The following GCLC variants were observed in gnomAD, a reference collection of about 807,000 sequenced individuals.
GCLC encodes glutamate--cysteine ligase catalytic subunit.
GCLC carries 30 observed loss-of-function variants against 81.5 expected under a neutral mutation model. That is an observed-to-expected ratio of 0.37 (90% CI 0.28 to 0.50). The LOEUF is 0.50. Ranked by LOEUF, GCLC falls within the 20% of genes least tolerant of loss-of-function variation. The pLI, the probability that GCLC is intolerant of heterozygous loss-of-function variation, is 0.96. For synonymous variants in GCLC, 262 were observed against 273.3 expected, an observed-to-expected ratio of 0.96 and a Z score of 0.41; for missense variants, 556 against 777.4, an observed-to-expected ratio of 0.72 and a Z score of 3.39.
chr6:53,540,740 A>G (rs1334560086), intron 1 of GCLC, among the ~76,000 whole-genome samples: 1 of 151,832 alleles, frequency 6.6e-6, no homozygotes, highest in Non-Finnish European at 1.5e-5. Flanking sequence ...ATGTATGTCA[A>G]CCCACTACTG....
chr6:53,524,030 T>C (rs541063485), intron 1 of GCLC: 1 of 152,334 alleles, frequency 6.6e-6, no homozygotes, highest in Admixed American at 6.5e-5. Flanking sequence ...ATACCATCTA[T>C]AGATCTGTGA....
chr6:53,532,001 TCAAA>T (rs1763179274), intron 1 of GCLC, among the ~76,000 whole-genome samples: 1 of 152,216 alleles, frequency 6.6e-6, no homozygotes, highest in Non-Finnish European at 1.5e-5. Flanking sequence ...CTTTCACTCA[TCAAA>T]CACAGAACAT....
In GCLC at chr6:53,517,249, GTTTTTTTT is replaced by G. The variant is rs201960255; in HGVS notation, c.447-1035_447-1028del. ...TTACAGGCATGAGTCACTGTACCAA[GTTTTTTTT>G]TTTTTTTTTTTTTTTTTTTTCCAGG... On this transcript the variant is annotated intron_variant, in intron 3 of 15. Coordinates refer to ENST00000650454, the MANE Select transcript of GCLC (RefSeq NM_001498.4). Among the ~76,000 whole-genome samples, 13 of 73,104 alleles carry G rather than the reference GTTTTTTTT, an allele frequency of 1.8e-4. No individual in the cohort carries two copies. The South Asian group carries it at 7.2e-3, about 41-fold the overall frequency. 48.0% of individuals were successfully genotyped at this position (73,104 alleles called of 152,430 possible).
chr6:53,511,382 T>C (rs1309893069), intron 6 of GCLC, among the ~76,000 whole-genome samples: 1 of 152,144 alleles, frequency 6.6e-6, no homozygotes, highest in Non-Finnish European at 1.5e-5. Flanking sequence ...ATCTCTTAGA[T>C]TTTTTAGGTC....
In GCLC at chr6:53,505,309, T is replaced by C. The variant is rs661603; in HGVS notation, c.1395+83A>G. 0.49 allele frequency: 355,122 copies of C among 727,974 alleles called. 90,284 individuals are homozygous for C. The highest frequency in any genetic ancestry group is 0.68 in the African/African-American group (39,108 of 57,096). The allele number at this position is 727,974 out of a possible 1,614,324, so 45.1% of individuals were successfully genotyped here. A position where few individuals can be genotyped will look rare whatever the true frequency, so the allele number is the denominator to read the frequency against. On this transcript the variant is annotated intron_variant, in intron 12 of 15. Transcript: ENST00000650454. ...AAGGGTAAACAATTTCAAATGAAAT[T>C]AGGTGGGAAATAAATAGCATATATA... is the stretch of plus-strand genomic sequence containing the variant.
Position 53,522,522 on chromosome 6 carries a change from T to C in GCLC, c.156A>G (p.Glu52=). 6.3e-7 allele frequency: 1 copy of C among 1,579,066 alleles called. No homozygotes were observed. Among genetic ancestry groups the C allele is most frequent in the African/African-American group, 1.3e-5 (1 of 74,402 alleles). The change falls in exon 2 of 16, where the codon GAA becomes GAG. Residue 52 remains glutamate (E), a synonymous_variant. Coordinates refer to ENST00000650454, the MANE Select transcript of GCLC (RefSeq NM_001498.4). ...CATGATCAAAAGATACCAACATGTA[T>C]TCCACCTATTGAAAATAAAGGTGAG... is the stretch of plus-strand genomic sequence containing the variant. ...KDVLKWGDEV[E]YMLVSFDHEN... is the part of the protein sequence containing the mutation.
intron 6 of GCLC, among the ~76,000 whole-genome samples, chr6:53,512,324 C>T (rs546726): frequency 0.53 from 80,280 of 151,792 alleles, 21,649 homozygotes; most frequent in Admixed American, 0.61. Context: ...ATCCTTTTTG[C>T]TTTATACAGT....
intron 11 of GCLC, 150 bp from the exon 12 acceptor site, chr6:53,505,646 G>A (rs1764599941): frequency 1.3e-6 from 1 of 744,078 alleles, no homozygotes; most frequent in Admixed American, 2.0e-5. Context: ...TCTATTCTCA[G>A]AAATCAACCC....
intron 6 of GCLC, 175 bp downstream of exon 6, chr6:53,514,029 A>C: frequency 1.5e-6 from 1 of 646,332 alleles, no homozygotes; most frequent in South Asian, 1.9e-5. Context: ...TATTAGTCAT[A>C]GACAGCTTCC....
At chr6:53,527,847 G>A (rs1581744217) in intron 1 of GCLC, among the ~76,000 whole-genome samples, 3 of 152,000 alleles carry the variant, frequency 2.0e-5, no homozygotes, top group Non-Finnish European at 4.4e-5. Context: ...ATAGGATCCC[G>A]TCCCCCAGGG....
At chr6:53,534,567 G>A (rs1162358398) in intron 1 of GCLC, among the ~76,000 whole-genome samples, 2 of 152,112 alleles carry the variant, frequency 1.3e-5, no homozygotes, top group Non-Finnish European at 2.9e-5. Context: ...AAGGATCCCT[G>A]AGAAACGGGG....
chr6:53,511,205 G>GGT (rs1372275179), intron 6 of GCLC, among the ~76,000 whole-genome samples: 1 of 147,404 alleles, frequency 6.8e-6, no homozygotes, highest in Non-Finnish European at 1.5e-5. Context: ...AAAAAGTGGG[G>GGT]GGGGGGTGCT....
At chr6:53,507,910 C>A (rs1282524544) in intron 8 of GCLC, among the ~76,000 whole-genome samples, 1 of 151,952 alleles carries the variant, frequency 6.6e-6, no homozygotes, top group Non-Finnish European at 1.5e-5. Context: ...ATAAATAAAT[C>A]TATAACGTAA....
At chr6:53,540,114 A>G (rs1053244531) in intron 1 of GCLC, among the ~76,000 whole-genome samples, 1 of 152,232 alleles carries the variant, frequency 6.6e-6, no homozygotes, top group Admixed American at 6.5e-5. Context: ...GAAGTTTTAC[A>G]TAATATTCTT....
chr6:53,528,330 C>T (rs1169296611), intron 1 of GCLC, among the ~76,000 whole-genome samples: 1 of 152,196 alleles, frequency 6.6e-6, no homozygotes, highest in East Asian at 1.9e-4. Flanking sequence ...AGGAAAACCA[C>T]TGTTTGACAT....
In GCLC at chr6:53,533,175, A is replaced by G. The variant is rs1034166256; in HGVS notation, c.151-10648T>C. Among the ~76,000 whole-genome samples the G allele has an allele frequency of 2.0e-5, 3 of 152,230 alleles. No individual in the cohort carries two copies. The East Asian group carries it at 5.8e-4, about 29-fold the overall frequency. ...CACCAGTGATAACTTAGCCACACAG[A>G]TATTACCAAAGTGACCCAAACTCAT... is the stretch of plus-strand genomic sequence containing the variant. On this transcript the variant is annotated intron_variant, in intron 1 of 15. Transcript: ENST00000650454.
Position 53,505,821 on chromosome 6 carries a change from T to C in GCLC, c.1272A>G (p.Val424=). The C allele has an allele frequency of 6.2e-7, 1 of 1,605,898 alleles. No homozygotes were observed. The highest frequency in any genetic ancestry group is 8.5e-7 in the Non-Finnish European group (1 of 1,172,426). The change falls in exon 11 of 16, where the codon GTA becomes GTG. Residue 424 remains valine (V), a synonymous_variant. Coordinates refer to ENST00000650454, the MANE Select transcript of GCLC (RefSeq NM_001498.4). ...PPPNSDIGWR[V]EFRPMEVQLT... is the part of the protein sequence containing the mutation. ...GTCTTACCTCCATGGGTCGAAATTC[T>C]ACTCTCCATCCAATGTCTGAGTTTG...
At chr6:53,540,666 G>GCC (rs1267918448) in intron 1 of GCLC, among the ~76,000 whole-genome samples, 8 of 108,198 alleles carry the variant, frequency 7.4e-5, no homozygotes, top group African/African-American at 2.4e-4. Context: ...TAAGTGTCTT[G>GCC]CCACACACAC....
intron 1 of GCLC, among the ~76,000 whole-genome samples, chr6:53,523,606 C>G (rs1001932646): frequency 7.2e-5 from 11 of 152,194 alleles, no homozygotes; most frequent in Admixed American, 2.6e-4. Flanking sequence ...TACCCAGAAG[C>G]CCAGCACGAA....
Sources: allele counts gnomAD v4.1 joint callset (sites outside exome capture counted in the v4.1 genomes callset), GRCh38; gene constraint gnomAD v4.1.1; transcripts MANE v1.5; gene names NCBI Gene and HGNC (gene_info 2026-07-23, HGNC 2026-07-21).